The following KCNH8 variants were observed in gnomAD, a reference collection of about 807,000 sequenced individuals.
KCNH8 encodes voltage-gated delayed rectifier potassium channel KCNH8.
KCNH8 carries 70 observed loss-of-function variants against 103.6 expected under a neutral mutation model. The ratio of observed to expected loss-of-function variants is 0.68; its 90% CI spans 0.56 to 0.82. The LOEUF is 0.82. Ranked by LOEUF, KCNH8 falls within the 40% of genes least tolerant of loss-of-function variation. The pLI, the probability that KCNH8 is intolerant of heterozygous loss-of-function variation, is 0.00. For synonymous variants in KCNH8, 498 were observed against 489.4 expected (o/e 1.02, Z -0.23); for missense variants, 1,217 against 1,329.9 (o/e 0.92, Z 1.32).
intron 5 of KCNH8, among the ~76,000 whole-genome samples, chr3:19,381,231 T>C (rs2066284090): frequency 6.6e-6 from 1 of 151,950 alleles, no homozygotes. Context: ...CATAAATGAA[T>C]CTGCACATAT....
rs532531141 is a variant in KCNH8 at position 19,330,100 on chromosome 3, G to T, written c.443-12487G>T. On this transcript the variant is annotated intron_variant, in intron 3 of 15. Transcript: ENST00000328405. ...AAGTTTACTCTCAATTTTGTCTCCC[G>T]CAGCATCCATTACACACCACCACGC... Among the ~76,000 whole-genome samples the T allele has an allele frequency of 1.3e-3, 203 of 151,624 alleles. 1 individual carries two copies. Among genetic ancestry groups the T allele is most frequent in the African/African-American group, 4.7e-3 (196 of 41,332 alleles).
intron 1 of KCNH8, among the ~76,000 whole-genome samples, chr3:19,211,716 C>A (rs4327408): frequency 6.6e-6 from 1 of 152,042 alleles, no homozygotes; most frequent in Non-Finnish European, 1.5e-5. Flanking sequence ...TGTCAGACAA[C>A]GGTAACTATA....
intron 14 of KCNH8, 64 bp downstream of exon 14, chr3:19,515,492 A>T (rs1464886969): frequency 5.7e-6 from 4 of 706,316 alleles, no homozygotes; most frequent in Non-Finnish European, 5.8e-6. Flanking sequence ...AATGTTTGTT[A>T]TGGGCATTTT....
At chr3:19,399,324 A>G (rs1359943836) in intron 7 of KCNH8, among the ~76,000 whole-genome samples, 8 of 151,970 alleles carry the variant, frequency 5.3e-5, no homozygotes, top group Admixed American at 2.6e-4. Context: ...CTAAAAATGT[A>G]CAAGTAGACC....
chr3:19,349,933 T>C (rs763978107), intron 5 of KCNH8, among the ~76,000 whole-genome samples: 34 of 152,072 alleles, frequency 2.2e-4, no homozygotes, highest in Non-Finnish European at 4.4e-4. Context: ...ATTCCAATTT[T>C]TTTGGTGTTT....
intron 5 of KCNH8, among the ~76,000 whole-genome samples, chr3:19,353,712 T>G (rs1368119797): frequency 1.5e-4 from 23 of 152,156 alleles, no homozygotes; most frequent in Non-Finnish European, 2.9e-5. Context: ...CTCAATAAAC[T>G]AGGTATTGAT....
chr3:19,495,413 T>C (rs1230012564), intron 11 of KCNH8, among the ~76,000 whole-genome samples: 1 of 152,222 alleles, frequency 6.6e-6, no homozygotes, highest in East Asian at 1.9e-4. Flanking sequence ...CTTCTTCATA[T>C]GGCTAGCCAG....
At chr3:19,379,341 T>C (rs2125123311) in intron 5 of KCNH8, among the ~76,000 whole-genome samples, 1 of 152,318 alleles carries the variant, frequency 6.6e-6, no homozygotes, top group Non-Finnish European at 1.5e-5. Context: ...CTGACAAGCA[T>C]TCAAATGCTA....
intron 11 of KCNH8, among the ~76,000 whole-genome samples, chr3:19,469,960 C>G (rs1002614708): frequency 6.6e-6 from 1 of 152,126 alleles, no homozygotes; most frequent in Non-Finnish European, 1.5e-5. Flanking sequence ...GTCATGTTCC[C>G]TTGTAACCCT....
At chr3:19,152,288 A>G (rs901664639) in intron 1 of KCNH8, among the ~76,000 whole-genome samples, 3 of 152,220 alleles carry the variant, frequency 2.0e-5, no homozygotes, top group African/African-American at 7.2e-5. Context: ...ATACCAATGT[A>G]TTTATATTTG....
At chr3:19,318,640 AGTGTGTGT>A (rs113809907) in intron 3 of KCNH8, among the ~76,000 whole-genome samples, 2 of 131,344 alleles carry the variant, frequency 1.5e-5, no homozygotes, top group South Asian at 2.6e-4. Context: ...TTACATGGTA[AGTGTGTGT>A]GTGTGTGTGT....
intron 8 of KCNH8, among the ~76,000 whole-genome samples, chr3:19,446,031 G>T (rs527926803): frequency 2.0e-5 from 3 of 152,020 alleles, no homozygotes; most frequent in Non-Finnish European, 2.9e-5. Context: ...ATTTAGAAAA[G>T]ACTGGAAAAC....
chr3:19,321,800 G>C (rs530190607), intron 3 of KCNH8, among the ~76,000 whole-genome samples: 9 of 151,854 alleles, frequency 5.9e-5, no homozygotes, highest in Non-Finnish European at 1.2e-4. Flanking sequence ...CACTATTATT[G>C]TGTTGCTGTC....
chr3:19,356,727 A>G (rs1575552935), intron 5 of KCNH8, among the ~76,000 whole-genome samples: 2 of 152,014 alleles, frequency 1.3e-5, no homozygotes, highest in South Asian at 2.1e-4. Context: ...CCAAGGCCCT[A>G]TAACTAACTG....
At chr3:19,465,835 C>T (rs2067723578) in intron 11 of KCNH8, among the ~76,000 whole-genome samples, 1 of 151,848 alleles carries the variant, frequency 6.6e-6, no homozygotes, top group Non-Finnish European at 1.5e-5. Context: ...GTGGAGATAG[C>T]AAAAGAATTA....
chr3:19,250,721 T>C (rs886740499), intron 1 of KCNH8, among the ~76,000 whole-genome samples: 1 of 152,216 alleles, frequency 6.6e-6, no homozygotes, highest in Non-Finnish European at 1.5e-5. Context: ...TCAGCTCTAG[T>C]AGTACCTATT....
chr3:19,374,214 A>G (rs936490792), intron 5 of KCNH8, among the ~76,000 whole-genome samples: 2 of 150,718 alleles, frequency 1.3e-5, no homozygotes, highest in Non-Finnish European at 3.0e-5. Context: ...TGGGGTGTTA[A>G]AGTCTCCCAT....
chr3:19,308,335 G>A (rs1425448694), intron 3 of KCNH8, among the ~76,000 whole-genome samples: 5 of 150,398 alleles, frequency 3.3e-5, no homozygotes, highest in Non-Finnish European at 7.4e-5. Flanking sequence ...CCTACTATCA[G>A]TAGACCTCAA....
At chr3:19,373,803 G>A (rs1189605687) in intron 5 of KCNH8, among the ~76,000 whole-genome samples, 1 of 151,846 alleles carries the variant, frequency 6.6e-6, no homozygotes, top group Non-Finnish European at 1.5e-5. Flanking sequence ...ATTCTGGTAT[G>A]TTGTGTCTTT....
Sources: gnomAD v4.1 joint callset for allele counts (sites outside exome capture counted in the v4.1 genomes callset) on GRCh38, gnomAD v4.1.1 for gene constraint, MANE v1.5 for transcripts, NCBI Gene and HGNC (gene_info 2026-07-23, HGNC 2026-07-21) for gene names.